The following GALNT10 variants were observed in gnomAD, a reference collection of about 807,000 sequenced individuals.
GALNT10 encodes GalNAc transferase 10.
GALNT10 carries 41 observed loss-of-function variants against 75.0 expected under a neutral mutation model. The ratio of observed to expected loss-of-function variants is 0.55; its 90% CI spans 0.43 to 0.71. The LOEUF (loss-of-function observed/expected upper bound fraction) is 0.71, where lower values mean the gene tolerates loss of function less well. GALNT10 is among the 30% of genes least tolerant of loss of function. GALNT10 has a pLI of 0.00. For synonymous variants in GALNT10, 302 were observed against 313.0 expected, an observed-to-expected ratio of 0.96 and a Z score of 0.37; for missense variants, 727 against 818.5, an observed-to-expected ratio of 0.89 and a Z score of 1.36.
Position 154,412,966 on chromosome 5 carries a change from C to T in GALNT10, c.1464C>T (p.Cys488=), listed in dbSNP as rs141156899. The T allele has an allele frequency of 1.4e-5, 23 of 1,612,766 alleles. No homozygotes were observed. The highest frequency in any genetic ancestry group is 2.7e-5 in the African/African-American group (2 of 74,912). ...ALGSPLRLEG[C]VRGRGEAAWN... ...GCTCCCCACTAAGGCTAGAGGGCTG[C>T]GTCCGAGGCCGTGGGGAGGCTGCCT... Residue 488 remains cysteine, a synonymous_variant, in exon 10 of 12, where the codon TGC becomes TGT. Transcript: ENST00000297107. This position sits in a 1 kb window ranked among gnomAD's most constrained non-coding sequence, Gnocchi z 4.2.
chr5:154,271,663 A>G (rs1753867901), intron 1 of GALNT10, among the ~76,000 whole-genome samples: 2 of 152,156 alleles, frequency 1.3e-5, no homozygotes, highest in South Asian at 2.1e-4. Flanking sequence ...TTGAGCCTTG[A>G]CATATTTTAG....
At chr5:154,246,058 GT>G (rs1305551755) in intron 1 of GALNT10, among the ~76,000 whole-genome samples, 88 of 148,592 alleles carry the variant, frequency 5.9e-4, no homozygotes, top group African/African-American at 1.9e-3. Flanking sequence ...AACATGCGGT[GT>G]TTTTTTTTTT....
intron 1 of GALNT10, among the ~76,000 whole-genome samples, chr5:154,266,391 C>G (rs548695981): frequency 2.6e-5 from 4 of 151,978 alleles, no homozygotes; most frequent in Non-Finnish European, 5.9e-5. Flanking sequence ...TGGAGGATTT[C>G]TTTAATTAAA....
chr5:154,223,193 A>G (rs142985510), intron 1 of GALNT10, among the ~76,000 whole-genome samples: 1 of 151,970 alleles, frequency 6.6e-6, no homozygotes, highest in African/African-American at 2.4e-5. Context: ...TCATCTGTGG[A>G]GGGAGAGGCG....
At chr5:154,255,882 C>A (rs1753601434) in intron 1 of GALNT10, among the ~76,000 whole-genome samples, 1 of 151,302 alleles carries the variant, frequency 6.6e-6, no homozygotes, top group Non-Finnish European at 1.5e-5. Context: ...CCTGCCTTCC[C>A]TTCTTCCTCT....
chr5:154,401,711 G>A (rs1486134666), intron 7 of GALNT10, among the ~76,000 whole-genome samples: 1 of 152,102 alleles, frequency 6.6e-6, no homozygotes, highest in Non-Finnish European at 1.5e-5. Flanking sequence ...GAGGGCCAGA[G>A]TACATCAGGG....
At position 154,190,859 on chromosome 5, in the gene GALNT10, C is replaced by A. The variant is rs1374941211; in HGVS notation, c.-8C>A. 6 of 1,298,070 alleles carry A rather than the reference C, an allele frequency of 4.6e-6. No homozygotes were observed. The highest frequency in any genetic ancestry group is 9.9e-7 in the Non-Finnish European group (1 of 1,014,082). The allele number at this position is 1,298,070 out of a possible 1,614,324, so 80.4% of individuals were successfully genotyped here. A position where few individuals can be genotyped will look rare whatever the true frequency, so the allele number is the denominator to read the frequency against. ...GCCGGCGGGGCGCGGCGGGGCTGAC[C>A]GGCCCCGATGAGGCGGAAGGAGAAG... On this transcript the variant is annotated 5_prime_UTR_variant, in exon 1 of 12. Coordinates refer to ENST00000297107, the MANE Select transcript of GALNT10 (RefSeq NM_198321.4).
rs1257215934 is a variant in GALNT10, at chr5:154,419,492, T to C, written c.*2520T>C. ...GTTCCTGGCATGACCAGGATTCCTG[T>C]GAAAGCAGGAGCAGCAGCAAGCCGT... On this transcript the variant is annotated 3_prime_UTR_variant, in exon 12 of 12. Transcript: ENST00000297107. The C allele has an allele frequency of 7.9e-5, 12 of 152,286 alleles. No individual in the cohort carries two copies. The highest frequency in any genetic ancestry group is 7.9e-4 in the Admixed American group (12 of 15,284). The allele number at this position is 152,286 out of a possible 1,614,324, so 9.4% of individuals were successfully genotyped here.
At chr5:154,217,427 A>G (rs1019068845) in intron 1 of GALNT10, among the ~76,000 whole-genome samples, 1 of 152,016 alleles carries the variant, frequency 6.6e-6, no homozygotes, top group African/African-American at 2.4e-5. Flanking sequence ...GGAGACAGTG[A>G]GAGGGTGGTT....
intron 4 of GALNT10, among the ~76,000 whole-genome samples, chr5:154,355,571 G>A (rs1033226058): frequency 7.2e-5 from 11 of 152,322 alleles, no homozygotes; most frequent in Non-Finnish European, 1.6e-4. Flanking sequence ...GTCAGCACTC[G>A]CCAAAAAATG....
At chr5:154,247,070 C>G (rs1417549792) in intron 1 of GALNT10, among the ~76,000 whole-genome samples, 1 of 152,192 alleles carries the variant, frequency 6.6e-6, no homozygotes, top group Non-Finnish European at 1.5e-5. Flanking sequence ...ATAGGGAATG[C>G]TTTCCCCATT....
chr5:154,398,121 AT>A (rs1756085638), intron 7 of GALNT10, among the ~76,000 whole-genome samples: 1 of 152,238 alleles, frequency 6.6e-6, no homozygotes, highest in Non-Finnish European at 1.5e-5. Flanking sequence ...TGGTGCTTCT[AT>A]GAGAAGACTG....
chr5:154,399,636 T>C (rs1756116516), intron 7 of GALNT10, among the ~76,000 whole-genome samples: 1 of 152,152 alleles, frequency 6.6e-6, no homozygotes, highest in South Asian at 2.1e-4. Flanking sequence ...GATGACAAAA[T>C]GAGGTCATCT....
chr5:154,245,537 CT>C (rs36050515), intron 1 of GALNT10, among the ~76,000 whole-genome samples: 47 of 147,496 alleles, frequency 3.2e-4, no homozygotes, highest in East Asian at 9.9e-4. Context: ...CGAGCTCTGG[CT>C]TTTTTTTTTT....
chr5:154,343,711 G>A (rs1356004295), intron 4 of GALNT10, among the ~76,000 whole-genome samples: 2 of 152,068 alleles, frequency 1.3e-5, no homozygotes, highest in Non-Finnish European at 2.9e-5. Context: ...AATTCTGGGG[G>A]GTAGATTACA....
At chr5:154,201,185 A>G (rs112347736) in intron 1 of GALNT10, among the ~76,000 whole-genome samples, 1 of 152,062 alleles carries the variant, frequency 6.6e-6, no homozygotes, top group Non-Finnish European at 1.5e-5. Flanking sequence ...TGCAGGAGAC[A>G]TTCGACTTTG....
chr5:154,250,256 A>T (rs1447325614), intron 1 of GALNT10, among the ~76,000 whole-genome samples: 1 of 151,992 alleles, frequency 6.6e-6, no homozygotes, highest in Admixed American at 6.6e-5. Flanking sequence ...AACTATTTAA[A>T]GGCATTTTGG....
intron 5 of GALNT10, among the ~76,000 whole-genome samples, chr5:154,378,560 T>C (rs1266269261): frequency 6.6e-6 from 1 of 152,194 alleles, no homozygotes; most frequent in Non-Finnish European, 1.5e-5. Flanking sequence ...GTGCTGACTA[T>C]GTGCCAGAGG....
In GALNT10 at chr5:154,304,401, A is replaced by T. The variant is rs571475030; in HGVS notation, c.401+6322A>T. Among the ~76,000 whole-genome samples, 85 of 152,314 alleles carry T rather than the reference A, an allele frequency of 5.6e-4. 1 individual carries two copies. The South Asian group carries it at 0.012, about 21-fold the overall frequency. On this transcript the variant is annotated intron_variant, in intron 3 of 11. Coordinates refer to ENST00000297107, the MANE Select transcript of GALNT10 (RefSeq NM_198321.4). ...GAGAAATAAAGCATGTTATATAGAG[A>T]GGAACAATGATAAGAGGAGAATTCT...
Sources: gnomAD v4.1 joint callset for allele counts (sites outside exome capture counted in the v4.1 genomes callset) on GRCh38, gnomAD v4.1.1 for gene constraint, Gnocchi (gnomAD v3.1) non-coding constraint, MANE v1.5 for transcripts, NCBI Gene and HGNC (gene_info 2026-07-23, HGNC 2026-07-21) for gene names.